CENPW: variants seen among roughly 807,000 people sequenced by gnomAD.
CENPW encodes cancer-up-regulated gene 2 protein.
In CENPW, 3 loss-of-function variants were observed where a neutral mutation model predicts 11.1. That is an observed-to-expected ratio of 0.27 (90% CI 0.12 to 0.70). The LOEUF (loss-of-function observed/expected upper bound fraction) is 0.70. CENPW is among the 30% of genes least tolerant of loss of function. CENPW has a pLI of 0.77. For missense variants in CENPW, 100 were observed against 105.6 expected (o/e 0.95, Z 0.23); for synonymous variants, 38 against 42.0 (o/e 0.91, Z 0.37).
the CENPW span, among the ~76,000 whole-genome samples, chr6:126,477,753 C>A: frequency 6.6e-6 from 1 of 151,856 alleles, no homozygotes; most frequent in Non-Finnish European, 1.5e-5. Context: ...TTTAAAATTC[C>A]CCCAAATTTC....
chr6:126,374,411 C>T, the CENPW span, among the ~76,000 whole-genome samples: 8 of 152,098 alleles, frequency 5.3e-5, no homozygotes, highest in African/African-American at 1.9e-4. Context: ...ATTTTCTGTT[C>T]TCATCAGATT....
At chr6:126,342,113 A>T (rs941812283) in intron 1 of CENPW, among the ~76,000 whole-genome samples, 2 of 152,226 alleles carry the variant, frequency 1.3e-5, no homozygotes, top group Non-Finnish European at 1.5e-5. Flanking sequence ...TTGACACTTC[A>T]TATCTTACCC....
intron 1 of CENPW, among the ~76,000 whole-genome samples, chr6:126,344,788 G>T (rs951183322): frequency 6.6e-6 from 1 of 152,100 alleles, no homozygotes; most frequent in Non-Finnish European, 1.5e-5. Context: ...ATCTATTAAA[G>T]ATTTCTGCAT....
chr6:126,369,025 A>G, the CENPW span, among the ~76,000 whole-genome samples: 1 of 152,092 alleles, frequency 6.6e-6, no homozygotes, highest in Non-Finnish European at 1.5e-5. Context: ...CTTATGAGTG[A>G]GAACATACAA....
chr6:126,401,887 T>A, the CENPW span, among the ~76,000 whole-genome samples: 1 of 152,130 alleles, frequency 6.6e-6, no homozygotes, highest in Non-Finnish European at 1.5e-5. Context: ...TACTCTCAGC[T>A]GGTCCCCACT....
chr6:126,342,533 T>G (rs1780334426), intron 1 of CENPW, among the ~76,000 whole-genome samples: 1 of 152,246 alleles, frequency 6.6e-6, no homozygotes. Context: ...TAACACAGAA[T>G]TAATCTACTT....
At chr6:126,454,954 A>G in the CENPW span, among the ~76,000 whole-genome samples, 3 of 151,502 alleles carry the variant, frequency 2.0e-5, no homozygotes, top group African/African-American at 7.3e-5. Flanking sequence ...TTAGGCACAC[A>G]CATTTGAAAA....
At chr6:126,352,514 A>G (rs1273683205), downstream of CENPW, among the ~76,000 whole-genome samples, 1 of 152,124 alleles carries the variant, frequency 6.6e-6, no homozygotes, top group Non-Finnish European at 1.5e-5. Flanking sequence ...TTGAGATATT[A>G]TCATCTCTAA....
intron 1 of CENPW, among the ~76,000 whole-genome samples, chr6:126,341,604 G>A (rs1780312338): frequency 2.0e-5 from 3 of 152,248 alleles, no homozygotes; most frequent in Admixed American, 2.0e-4. Context: ...GTAAGAAGAG[G>A]CAATACAGGC....
At chr6:126,408,260 A>T in the CENPW span, among the ~76,000 whole-genome samples, 1 of 152,178 alleles carries the variant, frequency 6.6e-6, no homozygotes, top group Non-Finnish European at 1.5e-5. Flanking sequence ...TGGGTAATTG[A>T]TAAAGAAAAA....
the CENPW span, among the ~76,000 whole-genome samples, chr6:126,410,203 A>G: frequency 6.6e-6 from 1 of 152,040 alleles, no homozygotes; most frequent in South Asian, 2.1e-4. Flanking sequence ...GAATTTCTTC[A>G]TTTATTGCTT....
At chr6:126,390,397 C>A in the CENPW span, among the ~76,000 whole-genome samples, 1 of 151,834 alleles carries the variant, frequency 6.6e-6, no homozygotes, top group Admixed American at 6.6e-5. Flanking sequence ...TACAGGCACC[C>A]AATGCACAAT....
chr6:126,374,545 T>C, the CENPW span, among the ~76,000 whole-genome samples: 1 of 152,160 alleles, frequency 6.6e-6, no homozygotes, highest in Non-Finnish European at 1.5e-5. Flanking sequence ...ATGATTAAGC[T>C]TGGTAGAGTA....
chr6:126,465,064 A>C, the CENPW span, among the ~76,000 whole-genome samples: 2 of 152,126 alleles, frequency 1.3e-5, no homozygotes, highest in African/African-American at 4.8e-5. Flanking sequence ...AAAATAAAGA[A>C]GCAAAACTAT....
chr6:126,348,711 C>T lies in CENPW; in HGVS notation c.*219C>T. Reference sequence around the variant, plus strand: ...TTACTATTATTTTTATTTTAAATGTCCTCTAGTTCAGTTTGCTTTTGTTTT... The same window carrying T: ...TTACTATTATTTTTATTTTAAATGTTCTCTAGTTCAGTTTGCTTTTGTTTT... On this transcript the variant is annotated 3_prime_UTR_variant, in exon 3 of 3. Coordinates refer to ENST00000368328, the MANE Select transcript of CENPW (RefSeq NM_001012507.4). The T allele has an allele frequency of 6.1e-6, 2 of 327,136 alleles. No individual in the cohort carries two copies. The highest frequency in any genetic ancestry group is 1.1e-5 in the Non-Finnish European group (2 of 179,704). The allele number at this position is 327,136 out of a possible 1,614,324, so 20.3% of individuals were successfully genotyped here.
At chr6:126,412,931 AC>A in the CENPW span, among the ~76,000 whole-genome samples, 2 of 152,152 alleles carry the variant, frequency 1.3e-5, no homozygotes, top group Non-Finnish European at 2.9e-5. Flanking sequence ...AGTCTCAAGT[AC>A]TACAGAGTCT....
the CENPW span, among the ~76,000 whole-genome samples, chr6:126,437,381 A>G: frequency 1.3e-5 from 2 of 151,924 alleles, no homozygotes; most frequent in Non-Finnish European, 2.9e-5. Context: ...GCCCAGTTGA[A>G]TTTGGTTTTC....
chr6:126,427,650 T>C, the CENPW span, among the ~76,000 whole-genome samples: 3 of 152,234 alleles, frequency 2.0e-5, no homozygotes, highest in Non-Finnish European at 4.4e-5. Context: ...TATTATATTA[T>C]GCATTTTTAA....
chr6:126,453,096 C>G, the CENPW span, among the ~76,000 whole-genome samples: 19 of 151,076 alleles, frequency 1.3e-4, no homozygotes, highest in African/African-American at 4.6e-4. Context: ...TGAAGGGAAA[C>G]TAAGGGATGG....
Sources: allele counts gnomAD v4.1 joint callset (sites outside exome capture counted in the v4.1 genomes callset), GRCh38; gene constraint gnomAD v4.1.1; transcripts MANE v1.5; gene names NCBI Gene and HGNC (gene_info 2026-07-23, HGNC 2026-07-21).